MTMR2: variants seen among roughly 807,000 people sequenced by gnomAD.
MTMR2 encodes myotubularin related protein 2.
MTMR2 carries 55 observed loss-of-function variants against 86.9 expected under a neutral mutation model. The observed-to-expected ratio is 0.63, with a 90% CI of 0.51 to 0.79. The LOEUF (loss-of-function observed/expected upper bound fraction) is 0.79, where lower values mean the gene tolerates loss of function less well. Among genes scored for constraint, MTMR2 ranks in the 30% least tolerant of loss-of-function variants. The pLI, the probability that MTMR2 is intolerant of heterozygous loss-of-function variation, is 0.00. For missense variants in MTMR2, 659 were observed against 772.3 expected, an observed-to-expected ratio of 0.85 and a Z score of 1.74; for synonymous variants, 241 against 266.8, an observed-to-expected ratio of 0.90 and a Z score of 0.94.
chr11:95,884,395 C>T (rs1865444391), intron 2 of MTMR2, among the ~76,000 whole-genome samples: 1 of 152,148 alleles, frequency 6.6e-6, no homozygotes. Context: ...GAAAATCTCA[C>T]TTAGCATTTA....
At chr11:95,877,118 C>T (rs1444213057) in intron 2 of MTMR2, among the ~76,000 whole-genome samples, 2 of 152,258 alleles carry the variant, frequency 1.3e-5, no homozygotes, top group East Asian at 3.9e-4. Context: ...TTCTTAGTAA[C>T]TTATTTTTTG....
intron 6 of MTMR2, 115 bp from the exon 7 acceptor site, chr11:95,857,750 G>A (rs1864264495): frequency 4.4e-6 from 3 of 689,378 alleles, no homozygotes; most frequent in African/African-American, 3.6e-5. Flanking sequence ...AACATTTTAT[G>A]TATTAGCATC....
intron 2 of MTMR2, among the ~76,000 whole-genome samples, chr11:95,867,930 T>A (rs1025921400): frequency 6.6e-6 from 1 of 151,486 alleles, no homozygotes; most frequent in South Asian, 2.1e-4. Flanking sequence ...ATGTATAAGG[T>A]ACTTGGCACA....
intron 2 of MTMR2, among the ~76,000 whole-genome samples, chr11:95,867,801 G>GA (rs1230456542): frequency 3.7e-4 from 34 of 92,820 alleles, no homozygotes; most frequent in African/African-American, 1.5e-3. Flanking sequence ...AAGAGACTAG[G>GA]AAAAAAAAGG....
At chr11:95,909,482 AG>A (rs979415249) in intron 1 of MTMR2, among the ~76,000 whole-genome samples, 2 of 152,166 alleles carry the variant, frequency 1.3e-5, no homozygotes, top group Admixed American at 6.5e-5. Context: ...TCCAGATAGC[AG>A]GGGTTCACTG....
rs369186027 is a variant in MTMR2 at position 95,903,824 on chromosome 11, C to T, written c.81-15563G>A. Among the ~76,000 whole-genome samples the T allele has an allele frequency of 1.2e-4, 18 of 152,208 alleles. 1 individual carries two copies. In the East Asian group the frequency reaches 2.7e-3, roughly 23 times the overall value. On this transcript the variant is annotated intron_variant, in intron 1 of 14. Coordinates refer to ENST00000346299, the MANE Select transcript of MTMR2 (RefSeq NM_016156.6). The stretch of plus-strand genomic sequence containing the variant: ...AATCATCCATATTGCCATTAAATAC[C>T]CCTCATTAGGCCAGGCATGGTGGCT...
intron 1 of MTMR2, among the ~76,000 whole-genome samples, chr11:95,895,529 G>T (rs1423886220): frequency 6.6e-6 from 1 of 152,116 alleles, no homozygotes; most frequent in Non-Finnish European, 1.5e-5. Context: ...TAAAAGGCAA[G>T]GGGCATACAA....
intron 5 of MTMR2, among the ~76,000 whole-genome samples, chr11:95,861,190 A>T (rs1864406915): frequency 6.6e-6 from 1 of 151,330 alleles, no homozygotes; most frequent in African/African-American, 2.4e-5. Flanking sequence ...CTAGAAACAG[A>T]AAAGATAGGT....
Position 95,836,229 on chromosome 11 carries a change from G to C in MTMR2, c.1689C>G (p.Val563=), listed in dbSNP as rs1417174513. The C allele has an allele frequency of 1.9e-6, 3 of 1,612,942 alleles. No individual in the cohort carries two copies. The Admixed American group carries it at 5.0e-5, about 27-fold the overall frequency. Residue 563 remains valine (V), a synonymous_variant, in exon 14 of 15, where the codon GTC becomes GTG. Transcript: ENST00000346299. ...GGCGCATGCTGGCTACTGGATAAAGGACATGATTGGAATAGCTCCCATAGA... is the reference window on the plus strand; with the variant it reads ...GGCGCATGCTGGCTACTGGATAAAGCACATGATTGGAATAGCTCCCATAGA... ...NPLYGSYSNH[V]LYPVASMRHL...
intron 9 of MTMR2, 118 bp from the exon 10 acceptor site, chr11:95,848,017 A>T: frequency 9.8e-7 from 1 of 1,018,964 alleles, no homozygotes; most frequent in Non-Finnish European, 1.5e-6. Flanking sequence ...GGAAAACTCC[A>T]CAGGAAAATG....
intron 2 of MTMR2, among the ~76,000 whole-genome samples, chr11:95,876,478 C>T (rs117663692): frequency 0.016 from 2,409 of 152,248 alleles, 19 homozygotes; most frequent in Non-Finnish European, 0.024. Flanking sequence ...ACTGGCTAGC[C>T]AACCTGTTTT....
rs118046527 is a variant in MTMR2, at chr11:95,855,686, C to T, written c.654+1866G>A. On this transcript the variant is annotated intron_variant, in intron 7 of 14. Transcript: ENST00000346299. ...AGTCATGATATCTGTTTTTCAGAGC[C>T]TCACAATGTAATAAATATAATAATC... Among the ~76,000 whole-genome samples, 1,237 of 152,172 alleles carry T rather than the reference C, an allele frequency of 8.1e-3. 11 individuals are homozygous for T. The highest frequency in any genetic ancestry group is 0.017 in the Admixed American group (258 of 15,290).
Position 95,836,201 on chromosome 11 carries a change from G to T in MTMR2, c.1717C>A (p.Leu573Ile). ...ATGTAATATCCCACCCAGAGCTCTAGGTGGCGCATGCTGGCTACTGGATAA... is the reference window on the plus strand; with the variant it reads ...ATGTAATATCCCACCCAGAGCTCTATGTGGCGCATGCTGGCTACTGGATAA... ...VLYPVASMRH[L>I]ELWVGYYIRW... The change falls in exon 14 of 15, where the codon CTA (leucine) becomes ATA (isoleucine). Residue 573 changes from leucine (L) to isoleucine (I), a missense_variant. This residue lies in a region of MTMR2 where 193 missense variants were observed against 191.6 expected (regional missense o/e 1.01). Transcript: ENST00000346299. 2.5e-6 allele frequency: 4 copies of T among 1,613,006 alleles called. No individual in the cohort carries two copies. Among genetic ancestry groups the T allele is most frequent in the Non-Finnish European group, 3.4e-6 (4 of 1,179,236 alleles).
At chr11:95,917,434 T>C (rs1218330562) in intron 1 of MTMR2, among the ~76,000 whole-genome samples, 1 of 152,174 alleles carries the variant, frequency 6.6e-6, no homozygotes, top group African/African-American at 2.4e-5. Context: ...ATCCAAACTT[T>C]ACAGGTTCAG....
chr11:95,882,837 C>G (rs1412493617), intron 2 of MTMR2, among the ~76,000 whole-genome samples: 1 of 149,836 alleles, frequency 6.7e-6, no homozygotes, highest in Non-Finnish European at 1.5e-5. Context: ...ATTTTCCTGC[C>G]TCAGCCTCCC....
At chr11:95,863,473 A>T (rs1181926838) in intron 3 of MTMR2, among the ~76,000 whole-genome samples, 1 of 152,168 alleles carries the variant, frequency 6.6e-6, no homozygotes, top group Non-Finnish European at 1.5e-5. Flanking sequence ...ATCGTTTCGA[A>T]TGCATATTTC....
intron 5 of MTMR2, among the ~76,000 whole-genome samples, chr11:95,860,194 C>A (rs1382725986): frequency 6.6e-6 from 1 of 151,946 alleles, no homozygotes; most frequent in Non-Finnish European, 1.5e-5. Context: ...CTCACAGAGC[C>A]CTTCTGACTA....
At chr11:95,896,817 C>T (rs1009162941) in intron 1 of MTMR2, among the ~76,000 whole-genome samples, 6 of 151,234 alleles carry the variant, frequency 4.0e-5, no homozygotes, top group East Asian at 1.9e-4. Context: ...TACCATATAT[C>T]ATGTCCCATT....
chr11:95,868,643 A>G (rs1864729620), intron 2 of MTMR2, among the ~76,000 whole-genome samples: 1 of 152,160 alleles, frequency 6.6e-6, no homozygotes, highest in Non-Finnish European at 1.5e-5. Context: ...GATGTTGATC[A>G]GAAGAGTTTA....
Sources: gnomAD v4.1 joint callset for allele counts (sites outside exome capture counted in the v4.1 genomes callset) on GRCh38, gnomAD v4.1.1 for gene constraint, gnomAD v4.1.1 regional missense constraint, MANE v1.5 for transcripts, NCBI Gene and HGNC (gene_info 2026-07-23, HGNC 2026-07-21) for gene names.